The following SLCO1B1 variants were observed in gnomAD, a reference collection of about 807,000 sequenced individuals.
SLCO1B1 encodes the protein OATP-2.
Under a neutral mutation model 70.1 loss-of-function variants are expected in SLCO1B1, and 81 were observed. The observed-to-expected ratio is 1.16, with a 90% CI of 0.97 to 1.39. SLCO1B1 has a LOEUF of 1.39. Ranked by LOEUF, SLCO1B1 falls within the 40% of genes most tolerant of loss-of-function variation. The probability of loss-of-function intolerance (pLI) is 0.00; values close to 1 mark genes in which losing one functional copy is unlikely to be tolerated. For missense variants in SLCO1B1, 895 were observed against 799.6 expected (o/e 1.12, Z -1.44); for synonymous variants, 283 against 271.5 (o/e 1.04, Z -0.42).
intron 2 of SLCO1B1, among the ~76,000 whole-genome samples, chr12:21,155,051 TCTTA>T (rs1025877717): frequency 4.9e-4 from 75 of 152,124 alleles, no homozygotes; most frequent in African/African-American, 1.6e-3. Flanking sequence ...ATGTCTGTGT[TCTTA>T]CTTATCTCTT....
chr12:21,164,940 C>CATTG (rs1438186426), intron 2 of SLCO1B1: 6 of 418,014 alleles, frequency 1.4e-5, no homozygotes, highest in African/African-American at 1.3e-4. Context: ...ATTTTCAGTG[C>CATTG]ATTGATTATG....
intron 14 of SLCO1B1, among the ~76,000 whole-genome samples, chr12:21,238,411 T>A (rs1240441379): frequency 6.6e-6 from 1 of 152,166 alleles, no homozygotes; most frequent in Non-Finnish European, 1.5e-5. Context: ...ATTTTGAAAA[T>A]TTCCACGTCC....
At chr12:21,190,765 A>C (rs1209546066) in intron 7 of SLCO1B1, among the ~76,000 whole-genome samples, 1 of 152,058 alleles carries the variant, frequency 6.6e-6, no homozygotes, top group Admixed American at 6.6e-5. Context: ...GTGAGAACAT[A>C]CAGTATTTGG....
At chr12:21,193,498 G>T (rs1346421160) in intron 7 of SLCO1B1, among the ~76,000 whole-genome samples, 1 of 151,706 alleles carries the variant, frequency 6.6e-6, no homozygotes, top group Non-Finnish European at 1.5e-5. Flanking sequence ...TTTGAGATTG[G>T]GTGAATATAT....
chr12:21,212,016 C>G (rs1335948997), intron 11 of SLCO1B1, among the ~76,000 whole-genome samples: 1 of 149,716 alleles, frequency 6.7e-6, no homozygotes, highest in South Asian at 2.1e-4. Context: ...AAACCAGCTC[C>G]TGGATTCACT....
chr12:21,189,846 CAT>C (rs1279038830), intron 7 of SLCO1B1, among the ~76,000 whole-genome samples: 5 of 152,186 alleles, frequency 3.3e-5, no homozygotes, highest in Non-Finnish European at 7.4e-5. Flanking sequence ...CATTATCTTA[CAT>C]AGTTACTTTT....
In SLCO1B1 at chr12:21,214,605, AG is replaced by A. The variant is rs1591823692; in HGVS notation, c.1498-2512del. On this transcript the variant is annotated intron_variant, in intron 11 of 14. Transcript: ENST00000256958. ...TGGGCTCCGCCCACTTCGAGCTTCC[AG>A]GCCGCTTTGTTTTTCCTAATCAAGC... Among the ~76,000 whole-genome samples the A allele has an allele frequency of 3.8e-5, 5 of 133,144 alleles. No individual in the cohort carries two copies. In the East Asian group the frequency reaches 1.0e-3, roughly 27 times the overall value. 87.3% of individuals were successfully genotyped at this position (133,144 alleles called of 152,430 possible).
intron 14 of SLCO1B1, among the ~76,000 whole-genome samples, chr12:21,235,108 G>T (rs1316824226): frequency 1.4e-5 from 2 of 143,334 alleles, no homozygotes; most frequent in Admixed American, 7.0e-5. Flanking sequence ...TTAGCTTTTG[G>T]CCTTGATGAT....
rs535541951 is a variant in SLCO1B1 at position 21,154,175 on chromosome 12, G to A, written c.84+12517G>A. 4.1e-4 allele frequency among the ~76,000 whole-genome samples: 63 copies of A among 152,030 alleles called. 1 individual carries two copies. Among genetic ancestry groups the A allele is most frequent in the African/African-American group, 1.5e-3 (61 of 41,490 alleles). Reference sequence around the variant, plus strand: ...CTCTCATAACAAGACAAACATTCTAGCATGATTCTATGATCTGAATGTTTG... The same window carrying A: ...CTCTCATAACAAGACAAACATTCTAACATGATTCTATGATCTGAATGTTTG... On this transcript the variant is annotated intron_variant, in intron 2 of 14. Coordinates refer to ENST00000256958, the MANE Select transcript of SLCO1B1 (RefSeq NM_006446.5).
chr12:21,132,095 T>C (rs1940144444), intron 1 of SLCO1B1, among the ~76,000 whole-genome samples: 1 of 152,200 alleles, frequency 6.6e-6, no homozygotes, highest in Non-Finnish European at 1.5e-5. Context: ...TGTTTGGTTT[T>C]TTGTCCTTGC....
Position 21,206,044 on chromosome 12 carries a change from G to A in SLCO1B1, c.1497+11G>A, listed in dbSNP as rs781301401. ...AATAAAAAGCCTATAGTGAGTATTAGTTTTTACTTTCCTCTCCTTATTCAA... is the reference window on the plus strand; with the variant it reads ...AATAAAAAGCCTATAGTGAGTATTAATTTTTACTTTCCTCTCCTTATTCAA... On this transcript the variant is annotated intron_variant, in intron 11 of 14. Transcript: ENST00000256958. 3 of 1,607,178 alleles carry A rather than the reference G, an allele frequency of 1.9e-6. No individual in the cohort carries two copies. Among genetic ancestry groups the A allele is most frequent in the South Asian group, 2.2e-5 (2 of 90,926 alleles).
intron 4 of SLCO1B1, among the ~76,000 whole-genome samples, chr12:21,175,267 A>G (rs1216345990): frequency 6.6e-6 from 1 of 152,158 alleles, no homozygotes; most frequent in Admixed American, 6.5e-5. Flanking sequence ...TTCATGATCC[A>G]AATTGTGGCA....
chr12:21,225,064 G>T (rs981953781), intron 14 of SLCO1B1, among the ~76,000 whole-genome samples: 16 of 152,094 alleles, frequency 1.1e-4, no homozygotes, highest in Middle Eastern at 3.4e-3. Context: ...AAGAAACTGT[G>T]ATTCAAGGAT....
chr12:21,200,935 A>T (rs1411324678), intron 9 of SLCO1B1, among the ~76,000 whole-genome samples: 2 of 152,138 alleles, frequency 1.3e-5, no homozygotes, highest in Non-Finnish European at 2.9e-5. Flanking sequence ...TAGTATCTGT[A>T]TAATTGGATC....
intron 8 of SLCO1B1, among the ~76,000 whole-genome samples, chr12:21,198,106 T>C (rs1477701705): frequency 6.6e-6 from 1 of 152,166 alleles, no homozygotes; most frequent in Non-Finnish European, 1.5e-5. Flanking sequence ...CAGTGTAGCC[T>C]AGGTTCTTCC....
At chr12:21,183,886 T>C (rs1372225494) in intron 7 of SLCO1B1, among the ~76,000 whole-genome samples, 2 of 151,890 alleles carry the variant, frequency 1.3e-5, no homozygotes, top group African/African-American at 2.4e-5. Flanking sequence ...CTGAAAGACA[T>C]AATAGCCATT....
intron 2 of SLCO1B1, among the ~76,000 whole-genome samples, chr12:21,164,139 G>T (rs991247017): frequency 7.9e-5 from 12 of 152,072 alleles, no homozygotes; most frequent in Non-Finnish European, 1.5e-4. Context: ...TAATATGGAT[G>T]AATTGTACAA....
intron 11 of SLCO1B1, 55 bp downstream of exon 11, chr12:21,206,088 A>C: frequency 1.4e-6 from 2 of 1,400,410 alleles, no homozygotes; most frequent in Non-Finnish European, 2.0e-6. Flanking sequence ...ATTAGATTGA[A>C]CAATTTTTTA....
At chr12:21,152,798 G>A (rs1467089350) in intron 2 of SLCO1B1, among the ~76,000 whole-genome samples, 1 of 151,916 alleles carries the variant, frequency 6.6e-6, no homozygotes, top group Non-Finnish European at 1.5e-5. Flanking sequence ...AAAAACAGAG[G>A]GCTCTAGTCT....
Sources: allele counts gnomAD v4.1 joint callset (sites outside exome capture counted in the v4.1 genomes callset), GRCh38; gene constraint gnomAD v4.1.1; transcripts MANE v1.5; gene names NCBI Gene and HGNC (gene_info 2026-07-23, HGNC 2026-07-21).